SGSM2: variants seen among roughly 807,000 people sequenced by gnomAD.
The protein encoded by SGSM2 is small G protein signaling modulator 2.
A neutral mutation model predicts 126.6 loss-of-function variants in SGSM2; 89 were observed. The observed-to-expected ratio is 0.70, with a 90% CI of 0.59 to 0.84. SGSM2 has a LOEUF of 0.84. Ranked by LOEUF, SGSM2 falls within the 40% of genes least tolerant of loss-of-function variation. The pLI, the probability that SGSM2 is intolerant of heterozygous loss-of-function variation, is 0.00. For missense variants in SGSM2, 1,404 were observed against 1,416.6 expected (o/e 0.99, Z 0.14); for synonymous variants, 614 against 574.3 (o/e 1.07, Z -0.99).
In SGSM2 at chr17:2,363,584, C is replaced by A; in HGVS notation, c.792C>A (p.His264Gln). 6.2e-7 allele frequency: 1 copy of A among 1,612,962 alleles called. No individual in the cohort carries two copies. The highest frequency in any genetic ancestry group is 8.5e-7 in the Non-Finnish European group (1 of 1,179,660). ...SRTRLLYGKN[H>Q]VLVQPKEDME... ...CGCGGCTGCTCTATGGCAAGAACCA[C>A]GTGCTGGTGCAGCCGGTAGGAAAGC... The change falls in exon 7 of 24, where the codon CAC becomes CAA. Residue 264 changes from histidine to glutamine, a missense_variant. Transcript: ENST00000268989. This position sits in a 1 kb window ranked among gnomAD's most constrained non-coding sequence, Gnocchi z 4.2.
rs564365810 is a variant in SGSM2 at position 2,380,329 on chromosome 17, C to G, written c.*809C>G. 3.9e-6 allele frequency: 6 copies of G among 1,534,126 alleles called. No homozygotes were observed. The highest frequency in any genetic ancestry group is 4.4e-6 in the Non-Finnish European group (5 of 1,145,356). ...GCCAGTGGATGATCTGGAATGCGAC[C>G]GGAGCACTTGCTCTGAGGAATCCCA... On this transcript the variant is annotated 3_prime_UTR_variant, in exon 24 of 24. Coordinates refer to ENST00000268989, the MANE Select transcript of SGSM2 (RefSeq NM_014853.3).
rs1392711390 is a variant in SGSM2, at chr17:2,337,705, A to G, written c.17A>G (p.Asp6Gly). Residue 6 changes from aspartate to glycine, a missense_variant, in exon 1 of 24, where the codon GAC (aspartate) becomes GGC (glycine). Coordinates refer to ENST00000268989, the MANE Select transcript of SGSM2 (RefSeq NM_014853.3). This position sits in a 1 kb window ranked among gnomAD's most constrained non-coding sequence, Gnocchi z 5.1. MGSAE[D>G]AVKEKLLWNV... is the part of the protein sequence containing the mutation. Reference sequence around the variant, plus strand: ...TGCCACACCATGGGCAGCGCAGAGGACGCAGTCAAAGAGAAACTGCTGTGG... The same window carrying G: ...TGCCACACCATGGGCAGCGCAGAGGGCGCAGTCAAAGAGAAACTGCTGTGG... 5.2e-6 allele frequency: 8 copies of G among 1,538,594 alleles called. No homozygotes were observed. In the African/African-American group the frequency reaches 7.1e-5, roughly 14 times the overall value.
At chr17:2,361,552 T>A in intron 2 of SGSM2, 85 bp from the exon 3 acceptor site, 1 of 1,530,788 alleles carries the variant, frequency 6.5e-7, no homozygotes, top group Non-Finnish European at 8.9e-7. Flanking sequence ...ACCCCTTGCC[T>A]CACCACAGGT....
chr17:2,375,949 T>A, intron 18 of SGSM2, 74 bp downstream of exon 18: 1 of 1,513,008 alleles, frequency 6.6e-7, no homozygotes, highest in Non-Finnish European at 8.8e-7. Context: ...GGGGAAGCGC[T>A]GGTGGGGTGG....
intron 12 of SGSM2, 21 bp from the exon 13 acceptor site, chr17:2,371,241 T>TGCCAC: frequency 6.2e-7 from 1 of 1,605,504 alleles, no homozygotes; most frequent in Non-Finnish European, 8.5e-7. Context: ...GCCCTGACCA[T>TGCCAC]GCCACCCTTC....
At chr17:2,339,718 A>C (rs1014919861) in intron 1 of SGSM2, among the ~76,000 whole-genome samples, 21 of 152,134 alleles carry the variant, frequency 1.4e-4, no homozygotes, top group Non-Finnish European at 2.6e-4. Context: ...AAAAAAAAAA[A>C]AAAAAAAAGT....
At chr17:2,340,698 C>T (rs2064316300) in intron 1 of SGSM2, among the ~76,000 whole-genome samples, 1 of 152,018 alleles carries the variant, frequency 6.6e-6, no homozygotes, top group Non-Finnish European at 1.5e-5. Context: ...CTTTCTCCTG[C>T]CTCAGCCTTC....
rs766440650 is a variant in SGSM2 at position 2,363,158 on chromosome 17, T to G, written c.672+24T>G. The G allele has an allele frequency of 3.6e-5, 56 of 1,565,418 alleles. No individual in the cohort carries two copies. The highest frequency in any genetic ancestry group is 2.1e-4 in the Middle Eastern group (1 of 4,694). ...GGGTAGGTGCCCCCTCCCCACCCTT[T>G]GGGCTCATCTGGGCTATGCCCATGG... On this transcript the variant is annotated intron_variant, in intron 6 of 23. Transcript: ENST00000268989. The surrounding 1 kb of genome is among the most constrained non-coding windows in gnomAD (Gnocchi z 4.2).
Position 2,367,114 on chromosome 17 carries a change from C to A in SGSM2, c.1289-157C>A. 1 of 842,492 alleles carries A rather than the reference C, an allele frequency of 1.2e-6. No homozygotes were observed. The highest frequency in any genetic ancestry group is 1.8e-6 in the Non-Finnish European group (1 of 563,844). The allele number at this position is 842,492 out of a possible 1,614,324, so 52.2% of individuals were successfully genotyped here. ...TCCTTCCACACTCTCCCAGGAAAAT[C>A]ATCCAAAGAGCTTTCTGGTCCCCTC... On this transcript the variant is annotated intron_variant, in intron 11 of 23. Coordinates refer to ENST00000268989, the MANE Select transcript of SGSM2 (RefSeq NM_014853.3). The surrounding 1 kb of genome is among the most constrained non-coding windows in gnomAD (Gnocchi z 4.0).
At position 2,372,968 on chromosome 17, in the gene SGSM2, G is replaced by A. The variant is rs1230538177; in HGVS notation, c.1804G>A (p.Glu602Lys). 1 of 1,569,640 alleles carries A rather than the reference G, an allele frequency of 6.4e-7. No homozygotes were observed. Among genetic ancestry groups the A allele is most frequent in the African/African-American group, 1.4e-5 (1 of 73,922 alleles). ...GGTCCCTCAGAACTACAAAGAGCTGGAGCTGCTGCGGCAAGTTTACTACGG... is the reference window on the plus strand; with the variant it reads ...GGTCCCTCAGAACTACAAAGAGCTGAAGCTGCTGCGGCAAGTTTACTACGG... Reference protein sequence around the residue: ...QKDKKNYKELELLRQVYYGGI... With the variant: ...QKDKKNYKELKLLRQVYYGGI... The change falls in exon 16 of 24, where the codon GAG becomes AAG. Residue 602 changes from glutamate (E) to lysine (K), a missense_variant. Coordinates refer to ENST00000268989, the MANE Select transcript of SGSM2 (RefSeq NM_014853.3). The surrounding 1 kb of genome is among the most constrained non-coding windows in gnomAD (Gnocchi z 6.0).
rs1263447745 is a variant in SGSM2 at position 2,375,722 on chromosome 17, A to G, written c.2331A>G (p.Glu777=). 1 of 1,610,506 alleles carries G rather than the reference A, an allele frequency of 6.2e-7. No homozygotes were observed. Among genetic ancestry groups the G allele is most frequent in the Non-Finnish European group, 8.5e-7 (1 of 1,177,498 alleles). Reference sequence around the variant, plus strand: ...ATGAGGGGCAGAGCGTGGGCTTCGAAGAGGAGGACGGCGGTGGGGAGGAAG... The same window carrying G: ...ATGAGGGGCAGAGCGTGGGCTTCGAGGAGGAGGACGGCGGTGGGGAGGAAG... ...SLDEGQSVGF[E]EEDGGGEEGS... The change falls in exon 18 of 24, where the codon GAA becomes GAG. Residue 777 remains glutamate, a synonymous_variant. Coordinates refer to ENST00000268989, the MANE Select transcript of SGSM2 (RefSeq NM_014853.3).
Position 2,373,898 on chromosome 17 carries a change from G to A in SGSM2, c.2100+385G>A, listed in dbSNP as rs554968524. ...CTGGGCAAGCACTTCCCGTCTCTGGGTCTCAGTTTCCCCTCTCCACCCATA... is the reference window on the plus strand; with the variant it reads ...CTGGGCAAGCACTTCCCGTCTCTGGATCTCAGTTTCCCCTCTCCACCCATA... On this transcript the variant is annotated intron_variant, in intron 17 of 23. Coordinates refer to ENST00000268989, the MANE Select transcript of SGSM2 (RefSeq NM_014853.3). 4 of 192,582 alleles carry A rather than the reference G, an allele frequency of 2.1e-5. No individual in the cohort carries two copies. The South Asian group carries it at 3.5e-4, about 17-fold the overall frequency. 11.9% of individuals were successfully genotyped at this position (192,582 alleles called of 1,614,324 possible).
At chr17:2,353,749 GACTGAGACTCTGTCTTT>G (rs2151521614) in intron 2 of SGSM2, among the ~76,000 whole-genome samples, 1 of 147,442 alleles carries the variant, frequency 6.8e-6, no homozygotes, top group South Asian at 2.3e-4. Flanking sequence ...CTGGGTGACA[GACTGAGACTCTGTCTTT>G]AAAAAAAAAA....
chr17:2,364,151 TGGGACTCTGG>T lies in SGSM2; in HGVS notation c.908_917del (p.Leu303ProfsTer37). ...AGTGGACCCCCAACCAGCTCATGAA[TGGGACTCTGG>T]GGGACTCCGAGCTGGAAAAGAGGTG... On this transcript the variant is annotated frameshift_variant, in exon 8 of 24. Coordinates refer to ENST00000268989, the MANE Select transcript of SGSM2 (RefSeq NM_014853.3). LOFTEE classifies it high-confidence loss of function. 1 of 1,613,918 alleles carries T rather than the reference TGGGACTCTGG, an allele frequency of 6.2e-7. No individual in the cohort carries two copies. Among genetic ancestry groups the T allele is most frequent in the Non-Finnish European group, 8.5e-7 (1 of 1,180,000 alleles).
At position 2,363,447 on chromosome 17, in the gene SGSM2, C is replaced by G; in HGVS notation, c.673-18C>G. The G allele has an allele frequency of 6.2e-7, 1 of 1,609,546 alleles. No individual in the cohort carries two copies. Among genetic ancestry groups the G allele is most frequent in the Non-Finnish European group, 8.5e-7 (1 of 1,179,550 alleles). ...CAGTTTCCCAAGGCTGGAGGCTGAG[C>G]CCCGGCCTTCCACACAGATCCGGAA... is the stretch of plus-strand genomic sequence containing the variant. On this transcript the variant is annotated intron_variant, in intron 6 of 23. Transcript: ENST00000268989. This position sits in a 1 kb window ranked among gnomAD's most constrained non-coding sequence, Gnocchi z 4.2.
intron 1 of SGSM2, among the ~76,000 whole-genome samples, 198 bp from the exon 2 acceptor site, chr17:2,343,347 C>T (rs764431082): frequency 3.3e-5 from 5 of 152,158 alleles, no homozygotes; most frequent in Admixed American, 1.3e-4. Context: ...CATCTCTTTC[C>T]CTGGTTTCCC....
Position 2,346,150 on chromosome 17 carries a change from G to A in SGSM2, c.133+2530G>A, listed in dbSNP as rs931043982. Among the ~76,000 whole-genome samples, 8 of 152,118 alleles carry A rather than the reference G, an allele frequency of 5.3e-5. No homozygotes were observed. In the South Asian group the frequency reaches 8.3e-4, roughly 16 times the overall value. ...CCTTGCTACTGTCCTAGCCACGTCC[G>A]AATTCAGCTTTGTTGTGGGAGAAAT... On this transcript the variant is annotated intron_variant, in intron 2 of 23. Transcript: ENST00000268989.
intron 2 of SGSM2, among the ~76,000 whole-genome samples, chr17:2,353,042 G>T (rs1349791000): frequency 6.6e-6 from 1 of 151,982 alleles, no homozygotes; most frequent in Non-Finnish European, 1.5e-5. Flanking sequence ...CTCCCAAAGT[G>T]CTGGGATTAC....
intron 2 of SGSM2, among the ~76,000 whole-genome samples, chr17:2,360,163 C>T (rs2065252752): frequency 1.3e-5 from 2 of 151,984 alleles, no homozygotes; most frequent in African/African-American, 2.4e-5. Context: ...GCCAACGTGG[C>T]GAAACCCCGT....
Sources: gnomAD v4.1 joint callset for allele counts (sites outside exome capture counted in the v4.1 genomes callset) on GRCh38, gnomAD v4.1.1 for gene constraint, Gnocchi (gnomAD v3.1) non-coding constraint, MANE v1.5 for transcripts, NCBI Gene and HGNC (gene_info 2026-07-23, HGNC 2026-07-21) for gene names.